Variants in VMP1 observed in about 807,000 individuals in gnomAD.
The protein encoded by VMP1 is vacuole membrane protein 1.
VMP1 carries 11 observed loss-of-function variants against 56.0 expected under a neutral mutation model. That is an observed-to-expected ratio of 0.20 (90% confidence interval 0.12 to 0.32). VMP1 has a LOEUF of 0.32. VMP1 is among the 10% of genes least tolerant of loss of function. The pLI, the probability that VMP1 is intolerant of heterozygous loss-of-function variation, is 1.00. For missense variants in VMP1, 296 were observed against 490.3 expected (o/e 0.60, Z 3.74); for synonymous variants, 149 against 165.0 (o/e 0.90, Z 0.74).
intron 5 of VMP1, among the ~76,000 whole-genome samples, chr17:59,757,367 A>G (rs938086595): frequency 2.0e-5 from 3 of 152,142 alleles, no homozygotes; most frequent in Non-Finnish European, 2.9e-5. Context: ...TAGAAGAACT[A>G]GTAGTGTATT....
intron 7 of VMP1, among the ~76,000 whole-genome samples, chr17:59,794,243 G>C (rs1297245664): frequency 1.6e-5 from 1 of 60,856 alleles, no homozygotes; most frequent in African/African-American, 7.6e-5. Context: ...TTTTTTTTGA[G>C]ACAGAGTCTC....
At chr17:59,729,042 T>C (rs1217641733) in intron 1 of VMP1, among the ~76,000 whole-genome samples, 1 of 152,230 alleles carries the variant, frequency 6.6e-6, no homozygotes, top group African/African-American at 2.4e-5. Flanking sequence ...AGTAGTCTTT[T>C]GTGACTGACT....
intron 10 of VMP1, among the ~76,000 whole-genome samples, chr17:59,835,362 C>T (rs1040999656): frequency 6.6e-6 from 1 of 152,050 alleles, no homozygotes; most frequent in Admixed American, 6.6e-5. Flanking sequence ...CTCCTGACCT[C>T]GTGATCTGCC....
intron 1 of VMP1, among the ~76,000 whole-genome samples, chr17:59,715,642 A>G (rs1004732286): frequency 6.6e-6 from 1 of 152,192 alleles, no homozygotes; most frequent in African/African-American, 2.4e-5. Context: ...CTTCCAAACA[A>G]TCAACAAAAC....
At position 59,735,388 on chromosome 17, in the gene VMP1, A is replaced by C; in HGVS notation, c.127A>C (p.Asn43His). Residue 43 changes from asparagine to histidine, a missense_variant, in exon 3 of 12, where the codon AAT (asparagine) becomes CAT (histidine). Coordinates refer to ENST00000262291, the MANE Select transcript of VMP1 (RefSeq NM_030938.5). ...GAGGAGGGAGCGGGAAGAAAGGCAG[A>C]ATATTGTCCTGTGGAGACAGCCGCT... ...KKRREREERQ[N>H]IVLWRQPLIT... 6.2e-7 allele frequency: 1 copy of C among 1,614,118 alleles called. No homozygotes were observed. Among genetic ancestry groups the C allele is most frequent in the South Asian group, 1.1e-5 (1 of 91,084 alleles).
At chr17:59,810,273 G>C (rs1233722648) in intron 8 of VMP1, among the ~76,000 whole-genome samples, 1 of 151,834 alleles carries the variant, frequency 6.6e-6, no homozygotes, top group East Asian at 1.9e-4. Context: ...CCTGCCTCAG[G>C]CTACCCAGTA....
At chr17:59,758,631 C>A (rs890712588) in intron 5 of VMP1, among the ~76,000 whole-genome samples, 10 of 151,536 alleles carry the variant, frequency 6.6e-5, no homozygotes, top group Non-Finnish European at 1.5e-5. Context: ...TTGAGACTAG[C>A]CTGGGCAACA....
chr17:59,745,336 C>A (rs2035384720), intron 5 of VMP1, among the ~76,000 whole-genome samples: 1 of 152,158 alleles, frequency 6.6e-6, no homozygotes, highest in South Asian at 2.1e-4. Flanking sequence ...AAGAGCCAAG[C>A]TAGTCAATAA....
intron 6 of VMP1, among the ~76,000 whole-genome samples, chr17:59,769,110 G>A (rs975563492): frequency 1.3e-5 from 2 of 151,104 alleles, no homozygotes; most frequent in Admixed American, 1.3e-4. Context: ...AACAGGGTGA[G>A]ACTCTGTCTC....
intron 7 of VMP1, among the ~76,000 whole-genome samples, chr17:59,782,391 G>C (rs1310868431): frequency 6.6e-6 from 1 of 151,896 alleles, no homozygotes; most frequent in Non-Finnish European, 1.5e-5. Context: ...CTTATATTTT[G>C]TTGTTCTAAT....
At chr17:59,816,988 G>T (rs1006566142) in intron 9 of VMP1, among the ~76,000 whole-genome samples, 2 of 148,650 alleles carry the variant, frequency 1.3e-5, no homozygotes, top group Admixed American at 6.7e-5. Flanking sequence ...AAAAAAAAGG[G>T]CCGGGCGCAA....
chr17:59,827,980 A>G (rs2038695241), intron 10 of VMP1, among the ~76,000 whole-genome samples: 1 of 149,354 alleles, frequency 6.7e-6, no homozygotes, highest in South Asian at 2.2e-4. Context: ...ACTCGCCTGT[A>G]GTTCCAGCTA....
chr17:59,831,257 G>A (rs2038796423), intron 10 of VMP1, among the ~76,000 whole-genome samples: 1 of 152,044 alleles, frequency 6.6e-6, no homozygotes, highest in African/African-American at 2.4e-5. Context: ...CTTTAACCTT[G>A]AACTCCTAGG....
intron 10 of VMP1, among the ~76,000 whole-genome samples, chr17:59,818,850 C>G (rs530316322): frequency 6.6e-6 from 1 of 152,000 alleles, no homozygotes. Context: ...AGCTGCCCCA[C>G]GGGGGAAATG....
intron 5 of VMP1, among the ~76,000 whole-genome samples, chr17:59,756,398 GA>G (rs1341453822): frequency 6.6e-6 from 1 of 152,172 alleles, no homozygotes; most frequent in Non-Finnish European, 1.5e-5. Context: ...GTTCCTTAGT[GA>G]AGAAGTATGG....
intron 10 of VMP1, 127 bp downstream of exon 10, chr17:59,817,900 G>T: frequency 1.7e-6 from 1 of 573,628 alleles, no homozygotes; most frequent in Admixed American, 3.8e-5. Context: ...AAAATAACTT[G>T]CTGTTATTAG....
rs569776572 is a variant in VMP1 at position 59,813,726 on chromosome 17, CT to C, written c.912+1942del. Among the ~76,000 whole-genome samples the C allele has an allele frequency of 5.8e-3, 875 of 152,084 alleles. 4 individuals carry two copies. Among genetic ancestry groups the C allele is most frequent in the Non-Finnish European group, 9.5e-3 (648 of 68,000 alleles). ...AGCTGTCATTTAGCTTCTTGCAGTCCTTAATACCTAAGGAAAAATAACAGAT... is the reference window on the plus strand; with the variant it reads ...AGCTGTCATTTAGCTTCTTGCAGTCCTAATACCTAAGGAAAAATAACAGAT... On this transcript the variant is annotated intron_variant, in intron 9 of 11. Transcript: ENST00000262291.
chr17:59,813,971 A>ATGG (rs2038140501), intron 9 of VMP1, among the ~76,000 whole-genome samples: 1 of 52,992 alleles, frequency 1.9e-5, no homozygotes, highest in Non-Finnish European at 3.5e-5. Context: ...TTTTCAATTT[A>ATGG]TGATGATTGA....
chr17:59,760,282 T>C (rs568453692), intron 5 of VMP1, among the ~76,000 whole-genome samples: 1 of 152,332 alleles, frequency 6.6e-6, no homozygotes, highest in Non-Finnish European at 1.5e-5. Flanking sequence ...AATTTATAAT[T>C]TATGCTTTAG....
Sources: allele counts gnomAD v4.1 joint callset (sites outside exome capture counted in the v4.1 genomes callset), GRCh38; gene constraint gnomAD v4.1.1; transcripts MANE v1.5; gene names NCBI Gene and HGNC (gene_info 2026-07-23, HGNC 2026-07-21).